SEPTIN7: variants seen among roughly 807,000 people sequenced by gnomAD.
The protein encoded by SEPTIN7 is septin 7, also known as septin-7.
A neutral mutation model predicts 63.3 loss-of-function variants in SEPTIN7; 10 were observed. The ratio of observed to expected loss-of-function variants is 0.16; its 90% CI spans 0.10 to 0.27. SEPTIN7 has a LOEUF of 0.27. Among genes scored for constraint, SEPTIN7 ranks in the 10% least tolerant of loss-of-function variants. The probability of loss-of-function intolerance (pLI) is 1.00; values close to 1 mark genes in which losing one functional copy is unlikely to be tolerated. For missense variants in SEPTIN7, 310 were observed against 521.0 expected, an observed-to-expected ratio of 0.59 and a Z score of 3.94; for synonymous variants, 131 against 165.3, an observed-to-expected ratio of 0.79 and a Z score of 1.59.
chr7:35,860,640 T>A (rs780014008), intron 3 of SEPTIN7, among the ~76,000 whole-genome samples: 39 of 152,214 alleles, frequency 2.6e-4, no homozygotes, highest in Non-Finnish European at 4.6e-4. Context: ...TTGACATTTA[T>A]TTTCTTGTAG....
chr7:35,839,235 A>G (rs546094834), intron 3 of SEPTIN7, among the ~76,000 whole-genome samples: 9 of 152,342 alleles, frequency 5.9e-5, no homozygotes, highest in African/African-American at 1.9e-4. Context: ...AAAAAGAGAA[A>G]AAAAGGAAAA....
intron 3 of SEPTIN7, among the ~76,000 whole-genome samples, chr7:35,841,042 T>C (rs1257907976): frequency 6.6e-6 from 1 of 152,128 alleles, no homozygotes; most frequent in African/African-American, 2.4e-5. Context: ...GAAAAATACT[T>C]GGAAAATCAG....
intron 1 of SEPTIN7, among the ~76,000 whole-genome samples, chr7:35,809,600 C>G (rs1788568332): frequency 6.6e-6 from 1 of 152,088 alleles, no homozygotes; most frequent in African/African-American, 2.4e-5. Flanking sequence ...AGCAGGATAC[C>G]TTTTCCATGC....
chr7:35,812,319 C>T (rs995205833), intron 1 of SEPTIN7, among the ~76,000 whole-genome samples: 7 of 151,082 alleles, frequency 4.6e-5, no homozygotes, highest in African/African-American at 9.7e-5. Flanking sequence ...GTCCCTTCCC[C>T]ACCCCCCCAT....
intron 4 of SEPTIN7, among the ~76,000 whole-genome samples, chr7:35,864,556 A>G (rs978762292): frequency 3.3e-5 from 5 of 152,238 alleles, no homozygotes; most frequent in African/African-American, 1.2e-4. Context: ...CATGGAAAAA[A>G]AAATCTCAAT....
At chr7:35,893,222 C>G (rs1259735492) in intron 11 of SEPTIN7, among the ~76,000 whole-genome samples, 2 of 16,206 alleles carry the variant, frequency 1.2e-4, no homozygotes, top group Non-Finnish European at 1.7e-3. Flanking sequence ...TTGTATTGCT[C>G]TCATGTGACT....
At chr7:35,834,886 A>C (rs76571538) in intron 3 of SEPTIN7, among the ~76,000 whole-genome samples, 2,297 of 152,236 alleles carry the variant, frequency 0.015, 52 homozygotes, top group African/African-American at 0.051. Flanking sequence ...TTGGGATCTA[A>C]ACTCAGAATA....
chr7:35,807,728 C>T (rs1310406448), intron 1 of SEPTIN7, among the ~76,000 whole-genome samples: 2 of 151,864 alleles, frequency 1.3e-5, no homozygotes, highest in African/African-American at 4.8e-5. Flanking sequence ...GAACTCTCGA[C>T]CTCAGGTGAT....
chr7:35,848,293 A>T (rs1478658663), intron 3 of SEPTIN7, among the ~76,000 whole-genome samples: 1 of 151,930 alleles, frequency 6.6e-6, no homozygotes, highest in African/African-American at 2.4e-5. Context: ...TTTGAGATGG[A>T]GTCTCGCTCT....
intron 3 of SEPTIN7, among the ~76,000 whole-genome samples, chr7:35,840,373 C>G (rs1784353789): frequency 6.6e-6 from 1 of 150,576 alleles, no homozygotes; most frequent in Non-Finnish European, 1.5e-5. Context: ...ATCGTCCCAC[C>G]TCAGCCTCCC....
chr7:35,882,759 G>C (rs1786968704), intron 8 of SEPTIN7, among the ~76,000 whole-genome samples, 183 bp downstream of exon 8: 1 of 151,942 alleles, frequency 6.6e-6, no homozygotes, highest in East Asian at 1.9e-4. Context: ...ATATAATAAG[G>C]AATTGTATAA....
At chr7:35,914,429 C>T in the SEPTIN7 span, among the ~76,000 whole-genome samples, 7 of 152,202 alleles carry the variant, frequency 4.6e-5, 1 homozygote, top group South Asian at 1.2e-3. Context: ...CAGTTGAAGG[C>T]CTTAAAAGAA....
intron 3 of SEPTIN7, among the ~76,000 whole-genome samples, chr7:35,834,320 ATACTT>A (rs1783977490): frequency 6.6e-6 from 1 of 152,056 alleles, no homozygotes; most frequent in Admixed American, 6.5e-5. Flanking sequence ...TTTTTAAACT[ATACTT>A]AGTAGGATAA....
intron 3 of SEPTIN7, among the ~76,000 whole-genome samples, chr7:35,854,490 A>G (rs1164236818): frequency 6.6e-6 from 1 of 152,242 alleles, no homozygotes; most frequent in Non-Finnish European, 1.5e-5. Flanking sequence ...GCATCCTTCA[A>G]TGAACAAGGC....
At position 35,811,065 on chromosome 7, in the gene SEPTIN7, A is replaced by T. The variant is rs577878283; in HGVS notation, c.61+9795A>T. Among the ~76,000 whole-genome samples, 101 of 152,280 alleles carry T rather than the reference A, an allele frequency of 6.6e-4. 1 individual carries two copies. The highest frequency in any genetic ancestry group is 3.8e-3 in the Admixed American group (58 of 15,290). On this transcript the variant is annotated intron_variant, in intron 1 of 13. Transcript: ENST00000350320. ...ATTACAGGCATGAGCCACTGTGCCCAGCCGAGTTCTTTCTTTTGAGGAAGA... is the reference window on the plus strand; with the variant it reads ...ATTACAGGCATGAGCCACTGTGCCCTGCCGAGTTCTTTCTTTTGAGGAAGA...
the SEPTIN7 span, among the ~76,000 whole-genome samples, chr7:35,913,028 A>C: frequency 6.6e-6 from 1 of 152,240 alleles, no homozygotes; most frequent in Non-Finnish European, 1.5e-5. Context: ...AAAAGGTATT[A>C]GGCCAGGCAT....
intron 3 of SEPTIN7, among the ~76,000 whole-genome samples, chr7:35,862,481 A>T (rs911040074): frequency 6.6e-6 from 1 of 152,152 alleles, no homozygotes; most frequent in East Asian, 1.9e-4. Context: ...GTTTTATTCT[A>T]ATCTTTCTGC....
chr7:35,859,166 T>C (rs2116118411), intron 3 of SEPTIN7, among the ~76,000 whole-genome samples: 1 of 152,302 alleles, frequency 6.6e-6, no homozygotes, highest in South Asian at 2.1e-4. Flanking sequence ...TCAGCACTGC[T>C]TTTTCTGTAT....
rs1483909233 is a variant in SEPTIN7 at position 35,870,374 on chromosome 7, T to C, written c.277-2292T>C. Among the ~76,000 whole-genome samples, 11 of 152,328 alleles carry C rather than the reference T, an allele frequency of 7.2e-5. 1 individual carries two copies. In the East Asian group the frequency reaches 2.1e-3, roughly 29 times the overall value. The stretch of plus-strand genomic sequence containing the variant: ...ATACAGCATATTACTGAAGGTAGAA[T>C]GGGCTTCGTTTGGTAATAAAGGAAC... On this transcript the variant is annotated intron_variant, in intron 4 of 13. Coordinates refer to ENST00000350320, the MANE Select transcript of SEPTIN7 (RefSeq NM_001788.6).
Sources: gnomAD v4.1 joint callset for allele counts (sites outside exome capture counted in the v4.1 genomes callset) on GRCh38, gnomAD v4.1.1 for gene constraint, MANE v1.5 for transcripts, NCBI Gene and HGNC (gene_info 2026-07-23, HGNC 2026-07-21) for gene names.